The following PEMT variants were observed in gnomAD, a reference collection of about 807,000 sequenced individuals.
PEMT encodes phosphatidylethanolamine N-methyltransferase.
PEMT carries 23 observed loss-of-function variants against 27.4 expected under a neutral mutation model. The observed-to-expected ratio is 0.84, with a 90% CI of 0.60 to 1.19. The LOEUF (loss-of-function observed/expected upper bound fraction) is 1.19. Among genes scored for constraint, PEMT ranks in the 50% most tolerant of loss-of-function variants. The pLI is 0.00. For missense variants in PEMT, 307 were observed against 310.1 expected, an observed-to-expected ratio of 0.99 and a Z score of 0.07; for synonymous variants, 137 against 139.1, an observed-to-expected ratio of 0.98 and a Z score of 0.11.
chr17:17,542,697 C>G (rs1250089297), intron 2 of PEMT, among the ~76,000 whole-genome samples: 1 of 152,226 alleles, frequency 6.6e-6, no homozygotes, highest in East Asian at 1.9e-4. Context: ...AGGGCTTTTC[C>G]ACATGCACAA....
chr17:17,530,935 CG>C (rs1567688962), intron 2 of PEMT, among the ~76,000 whole-genome samples: 1 of 151,066 alleles, frequency 6.6e-6, no homozygotes, highest in African/African-American at 2.4e-5. Context: ...CCCAGCTACT[CG>C]GGAGGCTGAG....
rs138790113 is a variant in PEMT, at chr17:17,538,380, C to T, written c.205-15985G>A. Among the ~76,000 whole-genome samples, 1,069 of 152,224 alleles carry T rather than the reference C, an allele frequency of 7.0e-3. 17 individuals are homozygous for T. The highest frequency in any genetic ancestry group is 0.025 in the African/African-American group (1,021 of 41,542). Reference sequence around the variant, plus strand: ...CCTCAGGCTGGGCAACAAATTGAGACCCTATCTCTACAAACAATTGAAAAA... The same window carrying T: ...CCTCAGGCTGGGCAACAAATTGAGATCCTATCTCTACAAACAATTGAAAAA... On this transcript the variant is annotated intron_variant, in intron 2 of 6. Transcript: ENST00000255389.
intron 2 of PEMT, among the ~76,000 whole-genome samples, chr17:17,535,281 C>T (rs1325988512): frequency 2.0e-5 from 3 of 152,148 alleles, no homozygotes; most frequent in African/African-American, 7.2e-5. Context: ...AAAGTCCTTA[C>T]TTATGGCCAG....
Position 17,591,612 on chromosome 17 carries a change from C to G in PEMT, c.15G>C (p.Gly5=). 6.2e-7 allele frequency: 1 copy of G among 1,612,976 alleles called. No homozygotes were observed. Residue 5 remains glycine (G), a synonymous_variant, in exon 1 of 7, where the codon GGG becomes GGC. Coordinates refer to ENST00000255389, the MANE Select transcript of PEMT (RefSeq NM_148172.3). MKRS[G]NPGAEVTNSS... Reference sequence around the variant, plus strand: ...TGTTCGTTACCTCGGCTCCCGGGTTCCCAGATCTCTTCATCCGGGGGCCGC... The same window carrying G: ...TGTTCGTTACCTCGGCTCCCGGGTTGCCAGATCTCTTCATCCGGGGGCCGC...
At position 17,513,946 on chromosome 17, in the gene PEMT, C is replaced by T. The variant is rs1050260576; in HGVS notation, c.321-1292G>A. On this transcript the variant is annotated intron_variant, in intron 3 of 6. Transcript: ENST00000255389. This position sits in a 1 kb window ranked among gnomAD's most constrained non-coding sequence, Gnocchi z 4.1. The stretch of plus-strand genomic sequence containing the variant: ...GCGCCTTTCACACCCAGTCTGTAGA[C>T]GGCATCTCCCAGCAGGGCCAGCTTA... Among the ~76,000 whole-genome samples the T allele has an allele frequency of 6.6e-6, 1 of 152,182 alleles. No individual in the cohort carries two copies. The highest frequency in any genetic ancestry group is 1.5e-5 in the Non-Finnish European group (1 of 68,026).
At chr17:17,516,070 C>T (rs989921405) in intron 3 of PEMT, among the ~76,000 whole-genome samples, 11 of 152,188 alleles carry the variant, frequency 7.2e-5, no homozygotes, top group African/African-American at 2.7e-4. Flanking sequence ...TTTCTATCTG[C>T]AGCCGACCAG....
chr17:17,528,006 A>G (rs116532931), intron 2 of PEMT, among the ~76,000 whole-genome samples: 2,824 of 152,266 alleles, frequency 0.019, 84 homozygotes, highest in African/African-American at 0.064. Context: ...CAGCCTAGGC[A>G]CCTGGGGGTC....
chr17:17,560,459 G>A (rs2142690012), intron 2 of PEMT, among the ~76,000 whole-genome samples: 1 of 152,330 alleles, frequency 6.6e-6, no homozygotes, highest in South Asian at 2.1e-4. Flanking sequence ...GGAGACAGAG[G>A]TACCTATCCA....
In PEMT at chr17:17,577,075, T is replaced by C. The variant is rs373208481; in HGVS notation, c.97-48A>G. 11 of 1,412,308 alleles carry C rather than the reference T, an allele frequency of 7.8e-6. No homozygotes were observed. The African/African-American group carries it at 1.4e-4, about 18-fold the overall frequency. 87.5% of individuals were successfully genotyped at this position (1,412,308 alleles called of 1,614,324 possible). On this transcript the variant is annotated intron_variant, in intron 1 of 6. Transcript: ENST00000255389. ...AGCACCACCCAGACACAGCAGGGCC[T>C]GTGAGCCCCCAGGAGTCGGAGAAAA...
At chr17:17,586,136 ATG>A in intron 1 of PEMT, among the ~76,000 whole-genome samples, 2 of 149,818 alleles carry the variant, frequency 1.3e-5, no homozygotes, top group African/African-American at 5.0e-5. Flanking sequence ...AAAAAATCTA[ATG>A]AGAAAGAAAG....
intron 3 of PEMT, among the ~76,000 whole-genome samples, chr17:17,520,622 T>C (rs1177077018): frequency 4.6e-5 from 7 of 152,188 alleles, no homozygotes; most frequent in Non-Finnish European, 1.0e-4. Context: ...GGCGGTGCCA[T>C]GGGCCAAACC....
chr17:17,565,323 A>T (rs1910760520), intron 2 of PEMT: 1 of 152,664 alleles, frequency 6.6e-6, no homozygotes, highest in Non-Finnish European at 1.5e-5. Flanking sequence ...GAGAGAGACC[A>T]CACCTCTGCA....
Position 17,505,858 on chromosome 17 carries a change from A to T in PEMT, c.654-10T>A. The T allele has an allele frequency of 6.2e-7, 1 of 1,607,680 alleles. No homozygotes were observed. On this transcript the variant is annotated splice_polypyrimidine_tract_variant and intron_variant, in intron 6 of 6. Transcript: ENST00000255389. Reference sequence around the variant, plus strand: ...CTCAGCGGTGAAGGGCCTGCCGGGCAGCGGGGAGAGGCTTCGGTCAGCAGG... The same window carrying T: ...CTCAGCGGTGAAGGGCCTGCCGGGCTGCGGGGAGAGGCTTCGGTCAGCAGG...
At chr17:17,533,817 G>A (rs1025238155) in intron 2 of PEMT, among the ~76,000 whole-genome samples, 8 of 151,388 alleles carry the variant, frequency 5.3e-5, no homozygotes, top group Non-Finnish European at 7.4e-5. Context: ...TGCAACCTCC[G>A]TCTCCCAAGT....
chr17:17,506,151 C>T, intron 6 of PEMT, 76 bp downstream of exon 6: 1 of 1,271,704 alleles, frequency 7.9e-7, no homozygotes, highest in Non-Finnish European at 1.1e-6. Flanking sequence ...CTGCCCTGGC[C>T]ACAAGGAAAG....
intron 2 of PEMT, among the ~76,000 whole-genome samples, chr17:17,531,676 T>C (rs946272449): frequency 8.6e-5 from 6 of 69,440 alleles, no homozygotes; most frequent in Non-Finnish European, 2.0e-4. Flanking sequence ...AGAAAAAATA[T>C]AAAAATGAAT....
chr17:17,574,601 G>A (rs1003194702), intron 2 of PEMT, among the ~76,000 whole-genome samples: 2 of 152,094 alleles, frequency 1.3e-5, no homozygotes, highest in Non-Finnish European at 2.9e-5. Context: ...GATTACAGGC[G>A]TGGGCCACCG....
intron 2 of PEMT, among the ~76,000 whole-genome samples, chr17:17,552,337 C>T (rs531324257): frequency 6.6e-6 from 1 of 152,260 alleles, no homozygotes; most frequent in South Asian, 2.1e-4. Context: ...TCACTGAATA[C>T]TGGAGAATTC....
intron 3 of PEMT, among the ~76,000 whole-genome samples, chr17:17,519,252 G>T (rs553030186): frequency 1.3e-5 from 2 of 151,972 alleles, no homozygotes; most frequent in South Asian, 2.1e-4. Flanking sequence ...GAAGAACAGT[G>T]GGGGAGAGAG....
Sources: gnomAD v4.1 joint callset for allele counts (sites outside exome capture counted in the v4.1 genomes callset) on GRCh38, gnomAD v4.1.1 for gene constraint, Gnocchi (gnomAD v3.1) non-coding constraint, MANE v1.5 for transcripts, NCBI Gene and HGNC (gene_info 2026-07-23, HGNC 2026-07-21) for gene names.